Variants in AFF3 observed in about 807,000 individuals in gnomAD.
The protein encoded by AFF3 is AF4/FMR2 family member 3.
AFF3 carries 32 observed loss-of-function variants against 129.7 expected under a neutral mutation model. The observed-to-expected ratio is 0.25, with a 90% CI of 0.19 to 0.33. AFF3 has a LOEUF of 0.33. Ranked by LOEUF, AFF3 falls within the 10% of genes least tolerant of loss-of-function variation. The pLI is 1.00. For synonymous variants in AFF3, 644 were observed against 635.4 expected, an observed-to-expected ratio of 1.01 and a Z score of -0.20; for missense variants, 1,373 against 1,592.0, an observed-to-expected ratio of 0.86 and a Z score of 2.34.
chr2:100,001,425 T>G (rs1681395419), intron 7 of AFF3, among the ~76,000 whole-genome samples: 2 of 152,324 alleles, frequency 1.3e-5, no homozygotes, highest in South Asian at 4.1e-4. Context: ...TTCTGTTTTG[T>G]TTTTTGGTTT....
At chr2:99,761,160 C>A (rs1022312141) in intron 8 of AFF3, among the ~76,000 whole-genome samples, 8 of 151,450 alleles carry the variant, frequency 5.3e-5, no homozygotes, top group African/African-American at 1.9e-4. Context: ...TGTCTAGTTA[C>A]TCAAGGGATA....
intron 11 of AFF3, among the ~76,000 whole-genome samples, chr2:99,684,214 T>A (rs1204831926): frequency 6.6e-6 from 1 of 152,236 alleles, no homozygotes; most frequent in Non-Finnish European, 1.5e-5. Flanking sequence ...GCCATCTGCC[T>A]CCTTGTTCAG....
chr2:99,703,769 C>T (rs1004041405), intron 11 of AFF3, among the ~76,000 whole-genome samples: 1 of 152,092 alleles, frequency 6.6e-6, no homozygotes, highest in South Asian at 2.1e-4. Flanking sequence ...GATCATAGCT[C>T]ACTACATCCT....
intron 13 of AFF3, among the ~76,000 whole-genome samples, chr2:99,649,362 C>T (rs1179021863): frequency 6.6e-6 from 1 of 152,166 alleles, no homozygotes; most frequent in Non-Finnish European, 1.5e-5. Flanking sequence ...TTTACCGCAC[C>T]ACTCAGGCCT....
At chr2:99,600,101 T>C (rs1356414523) in intron 14 of AFF3, among the ~76,000 whole-genome samples, 1 of 152,096 alleles carries the variant, frequency 6.6e-6, no homozygotes. Flanking sequence ...CTTTCATAGG[T>C]TAATGTTGCT....
intron 8 of AFF3, among the ~76,000 whole-genome samples, chr2:99,764,221 G>A (rs1391373341): frequency 6.6e-6 from 1 of 152,082 alleles, no homozygotes; most frequent in Non-Finnish European, 1.5e-5. Context: ...ATCATCAAAA[G>A]CACTCCTTAT....
chr2:99,788,235 A>G (rs1253270552), intron 8 of AFF3, among the ~76,000 whole-genome samples: 5 of 152,044 alleles, frequency 3.3e-5, no homozygotes, highest in Admixed American at 3.3e-4. Flanking sequence ...CACTCCTTCT[A>G]CTCATTAAAA....
At position 99,629,745 on chromosome 2, in the gene AFF3, C is replaced by T. The variant is rs113337202; in HGVS notation, c.1184+19881G>A. On this transcript the variant is annotated intron_variant, in intron 13 of 24. Transcript: ENST00000672756. ...GGTCCCATGGGGAGGCTCCTCGTCC[C>T]GGTGTGCGGATGGCCATCTTCTTGC... Among the ~76,000 whole-genome samples, 708 of 152,264 alleles carry T rather than the reference C, an allele frequency of 4.6e-3. 10 individuals carry two copies. The highest frequency in any genetic ancestry group is 0.015 in the African/African-American group (618 of 41,544).
At chr2:100,010,983 A>C (rs930998265) in intron 4 of AFF3, among the ~76,000 whole-genome samples, 6 of 152,142 alleles carry the variant, frequency 3.9e-5, no homozygotes, top group Non-Finnish European at 7.4e-5. Context: ...GCAGTTAGAA[A>C]ACAAAAAGCA....
chr2:99,572,920 T>C (rs1314357617), intron 18 of AFF3, among the ~76,000 whole-genome samples: 3 of 152,178 alleles, frequency 2.0e-5, no homozygotes, highest in African/African-American at 7.2e-5. Flanking sequence ...TGATGTCGGC[T>C]GGGGCTCAGA....
chr2:99,948,203 G>A (rs1675819231), intron 7 of AFF3, among the ~76,000 whole-genome samples: 1 of 152,138 alleles, frequency 6.6e-6, no homozygotes, highest in African/African-American at 2.4e-5. Flanking sequence ...GGAGCTCTCT[G>A]GTCTGTGGCT....
intron 4 of AFF3, among the ~76,000 whole-genome samples, chr2:100,015,454 C>T (rs950056007): frequency 7.9e-5 from 12 of 152,126 alleles, no homozygotes; most frequent in Admixed American, 1.3e-4. Context: ...GAGAGAAGAA[C>T]GTTCCCCAGA....
At chr2:99,665,565 C>T (rs1333784591) in intron 12 of AFF3, among the ~76,000 whole-genome samples, 2 of 152,150 alleles carry the variant, frequency 1.3e-5, no homozygotes, top group Admixed American at 1.3e-4. Context: ...CAGTTGGGCA[C>T]AGACTGAATC....
intron 13 of AFF3, among the ~76,000 whole-genome samples, chr2:99,607,256 G>T (rs1040965514): frequency 3.3e-5 from 5 of 152,132 alleles, no homozygotes; most frequent in Admixed American, 3.3e-4. Flanking sequence ...CTGGAGGCTG[G>T]GTGCAGTGGC....
chr2:100,037,750 ATAT>A (rs1390538762), intron 4 of AFF3, among the ~76,000 whole-genome samples: 8 of 132,538 alleles, frequency 6.0e-5, no homozygotes, highest in African/African-American at 2.0e-4. Context: ...TGTATAATAT[ATAT>A]TATTAAATAT....
chr2:99,934,103 C>G (rs1045627664), intron 7 of AFF3, among the ~76,000 whole-genome samples: 1 of 152,196 alleles, frequency 6.6e-6, no homozygotes, highest in African/African-American at 2.4e-5. Context: ...CAGTACAACA[C>G]AGCAGGTGAG....
chr2:99,837,577 C>A (rs2105792440), intron 7 of AFF3, 53 bp from the exon 8 acceptor site: 2 of 1,545,782 alleles, frequency 1.3e-6, no homozygotes, highest in East Asian at 2.3e-5. Context: ...GATGACCACA[C>A]AGAAGACATG....
At chr2:99,565,645 G>A (rs1159698520) in intron 19 of AFF3, 22 bp from the exon 20 acceptor site, 1 of 1,601,976 alleles carries the variant, frequency 6.2e-7, no homozygotes, top group Admixed American at 1.7e-5. Flanking sequence ...AGTTAATACA[G>A]TGTCTTCCTA....
At chr2:99,889,858 C>T (rs1693413141) in intron 7 of AFF3, among the ~76,000 whole-genome samples, 1 of 152,138 alleles carries the variant, frequency 6.6e-6, no homozygotes, top group African/African-American at 2.4e-5. Flanking sequence ...TGGGGTTTCT[C>T]CATGTTGGCC....
Sources: gnomAD v4.1 joint callset for allele counts (sites outside exome capture counted in the v4.1 genomes callset) on GRCh38, gnomAD v4.1.1 for gene constraint, MANE v1.5 for transcripts, NCBI Gene and HGNC (gene_info 2026-07-23, HGNC 2026-07-21) for gene names.